Variants in SCAI observed in about 807,000 individuals in gnomAD.
SCAI encodes the protein suppressor of cancer cell invasion.
Under a neutral mutation model 92.2 loss-of-function variants are expected in SCAI, and 24 were observed. The ratio of observed to expected loss-of-function variants is 0.26; its 90% CI spans 0.19 to 0.37. The LOEUF is 0.37. SCAI is among the 10% of genes least tolerant of loss of function. The probability of loss-of-function intolerance (pLI) is 1.00; values close to 1 mark genes in which losing one functional copy is unlikely to be tolerated. For missense variants in SCAI, 450 were observed against 736.2 expected, an observed-to-expected ratio of 0.61 and a Z score of 4.50; for synonymous variants, 261 against 258.6, an observed-to-expected ratio of 1.01 and a Z score of -0.09.
At chr9:125,079,752 G>T (rs114046905) in intron 2 of SCAI, among the ~76,000 whole-genome samples, 1 of 145,484 alleles carries the variant, frequency 6.9e-6, no homozygotes, top group South Asian at 2.2e-4. Flanking sequence ...TGGCAAACAC[G>T]TTGGTGACTT....
At chr9:125,131,012 TG>T in intron 2 of SCAI, among the ~76,000 whole-genome samples, 1 of 138,210 alleles carries the variant, frequency 7.2e-6, no homozygotes, top group South Asian at 2.4e-4. Flanking sequence ...AACTCACTCC[TG>T]GGCTCAAGTG....
intron 1 of SCAI, 112 bp from the exon 2 acceptor site, chr9:125,142,789 C>A: frequency 1.1e-6 from 1 of 876,958 alleles, no homozygotes; most frequent in South Asian, 1.4e-5. Flanking sequence ...ACCACAGGCT[C>A]GCCAAGCCCA....
rs1358445820 is a variant in SCAI, at chr9:125,020,659, TA to T, written c.609+13del. The T allele has an allele frequency of 3.5e-6, 4 of 1,143,728 alleles. No homozygotes were observed. Among genetic ancestry groups the T allele is most frequent in the Non-Finnish European group, 5.1e-6 (4 of 782,870 alleles). 70.8% of individuals were successfully genotyped at this position (1,143,728 alleles called of 1,614,324 possible). ...ACTAGAGATTAGAATTTGAACTATT[TA>T]AAGTGTATTTACCTTTACCAGATCC... On this transcript the variant is annotated intron_variant, in intron 7 of 17. Coordinates refer to ENST00000336505, the MANE Select transcript of SCAI (RefSeq NM_001144877.3).
At chr9:125,062,312 G>C (rs1476586779) in intron 2 of SCAI, among the ~76,000 whole-genome samples, 1 of 151,580 alleles carries the variant, frequency 6.6e-6, no homozygotes, top group African/African-American at 2.4e-5. Flanking sequence ...TTTTTGTAGA[G>C]ACATGGTCTC....
chr9:125,037,641 A>T (rs919699246), intron 3 of SCAI, among the ~76,000 whole-genome samples: 18 of 152,190 alleles, frequency 1.2e-4, no homozygotes, highest in Admixed American at 3.3e-4. Flanking sequence ...TTGGCCGGGT[A>T]CAGTGGCTCA....
chr9:124,987,898 G>T (rs966336831), intron 14 of SCAI, among the ~76,000 whole-genome samples: 2 of 152,118 alleles, frequency 1.3e-5, no homozygotes, highest in East Asian at 1.9e-4. Flanking sequence ...GGGAGGCAGA[G>T]GTTGTAGTGA....
At chr9:125,132,177 G>A (rs570591971) in intron 2 of SCAI, among the ~76,000 whole-genome samples, 2 of 150,914 alleles carry the variant, frequency 1.3e-5, no homozygotes, top group South Asian at 2.1e-4. Context: ...GCAGTGGCAC[G>A]ATCTTGGCTC....
At chr9:124,997,917 A>C (rs1455848074) in intron 13 of SCAI, among the ~76,000 whole-genome samples, 2 of 151,546 alleles carry the variant, frequency 1.3e-5, no homozygotes, top group African/African-American at 4.8e-5. Context: ...AAGAAAAAGA[A>C]CTTTTGTAGA....
At chr9:125,062,923 G>A (rs767656051) in intron 2 of SCAI, among the ~76,000 whole-genome samples, 12 of 151,186 alleles carry the variant, frequency 7.9e-5, no homozygotes, top group Non-Finnish European at 1.3e-4. Context: ...GGGAGGCTGA[G>A]GCAAGAGAAT....
chr9:124,959,269 T>C (rs1392235770), intron 17 of SCAI, among the ~76,000 whole-genome samples: 1 of 144,464 alleles, frequency 6.9e-6, no homozygotes, highest in Admixed American at 7.0e-5. Context: ...ATAATAAAAT[T>C]TAAAAAAAAA....
In SCAI at chr9:125,055,768, A is replaced by G. The variant is rs1034903565; in HGVS notation, c.230+108T>C. 1.8e-5 allele frequency: 15 copies of G among 825,834 alleles called. 1 individual carries two copies. In the African/African-American group the frequency reaches 2.6e-4, roughly 14 times the overall value. 51.2% of individuals were successfully genotyped at this position (825,834 alleles called of 1,614,324 possible). Reference sequence around the variant, plus strand: ...AAATCATGATCACTCTAATACAGAAATTTATATGACATTCTACCCATAATT... The same window carrying G: ...AAATCATGATCACTCTAATACAGAAGTTTATATGACATTCTACCCATAATT... On this transcript the variant is annotated intron_variant, in intron 3 of 17. Coordinates refer to ENST00000336505, the MANE Select transcript of SCAI (RefSeq NM_001144877.3).
rs544185946 is a variant in SCAI, at chr9:125,111,701, T to C, written c.98+30932A>G. Among the ~76,000 whole-genome samples, 5 of 152,150 alleles carry C rather than the reference T, an allele frequency of 3.3e-5. No homozygotes were observed. The South Asian group carries it at 8.3e-4, about 25-fold the overall frequency. On this transcript the variant is annotated intron_variant, in intron 2 of 17. Transcript: ENST00000336505. ...GGACTAAATAGTGGTTTTCAAGACA[T>C]TGGACATTAGGCAGCAAGGACAGTG...
intron 2 of SCAI, among the ~76,000 whole-genome samples, chr9:125,096,455 G>C (rs1014575846): frequency 6.6e-6 from 1 of 152,198 alleles, no homozygotes; most frequent in Non-Finnish European, 1.5e-5. Context: ...TTACTGATGG[G>C]TATGAAAGTA....
chr9:125,034,847 G>C (rs1304858762), intron 3 of SCAI, among the ~76,000 whole-genome samples: 2 of 152,174 alleles, frequency 1.3e-5, no homozygotes, highest in African/African-American at 4.8e-5. Flanking sequence ...TGGAACTACA[G>C]AGAAGGAAAG....
At chr9:124,962,178 G>GGC (rs1249505743) in intron 17 of SCAI, among the ~76,000 whole-genome samples, 5 of 144,220 alleles carry the variant, frequency 3.5e-5, no homozygotes, top group Admixed American at 2.8e-4. Context: ...TTTGCGGGGG[G>GGC]GGATGGAGTC....
intron 5 of SCAI, among the ~76,000 whole-genome samples, chr9:125,027,504 TTTTC>T (rs1448318869): frequency 1.3e-5 from 2 of 152,130 alleles, no homozygotes; most frequent in African/African-American, 2.4e-5. Context: ...TTGCCTTTTC[TTTTC>T]TTTTCTTTTT....
intron 3 of SCAI, among the ~76,000 whole-genome samples, chr9:125,044,716 G>A (rs1451300542): frequency 6.6e-6 from 1 of 152,196 alleles, no homozygotes; most frequent in Non-Finnish European, 1.5e-5. Flanking sequence ...CCACGTTGTA[G>A]GCAATGAGAA....
At chr9:124,978,088 A>G (rs1831799391) in intron 14 of SCAI, among the ~76,000 whole-genome samples, 1 of 152,208 alleles carries the variant, frequency 6.6e-6, no homozygotes, top group Admixed American at 6.5e-5. Flanking sequence ...CAAAAGTCAA[A>G]TAATGAACTG....
intron 9 of SCAI, chr9:125,003,836 T>C (rs1270546139): frequency 8.0e-6 from 3 of 373,742 alleles, no homozygotes; most frequent in Non-Finnish European, 1.5e-5. Flanking sequence ...TATACATGTT[T>C]ACTAATCAAT....
Sources: allele counts gnomAD v4.1 joint callset (sites outside exome capture counted in the v4.1 genomes callset), GRCh38; gene constraint gnomAD v4.1.1; transcripts MANE v1.5; gene names NCBI Gene and HGNC (gene_info 2026-07-23, HGNC 2026-07-21).